Variants in SMCO4 observed in about 807,000 individuals in gnomAD.
SMCO4 encodes single-pass membrane and coiled-coil domain-containing protein 4.
SMCO4 carries 4 observed loss-of-function variants against 3.6 expected under a neutral mutation model. That is an observed-to-expected ratio of 1.11 (90% CI 0.54 to 2.53). The LOEUF (loss-of-function observed/expected upper bound fraction) is 2.53. Ranked by LOEUF, SMCO4 falls within the 30% of genes most tolerant of loss-of-function variation. The pLI is 0.02. For synonymous variants in SMCO4, 36 were observed against 35.3 expected, an observed-to-expected ratio of 1.02 and a Z score of -0.07; for missense variants, 70 against 80.8, an observed-to-expected ratio of 0.87 and a Z score of 0.51.
At chr11:93,539,586 G>A (rs1949255271) in intron 1 of SMCO4, among the ~76,000 whole-genome samples, 1 of 152,130 alleles carries the variant, frequency 6.6e-6, no homozygotes, top group Admixed American at 6.5e-5. Flanking sequence ...TTCACAGACT[G>A]AATGTTAATA....
intron 1 of SMCO4, among the ~76,000 whole-genome samples, chr11:93,529,129 T>C (rs1949139931): frequency 6.6e-6 from 1 of 152,170 alleles, no homozygotes; most frequent in African/African-American, 2.4e-5. Context: ...GAGTCAAAAC[T>C]TCCTGTAGCA....
intron 1 of SMCO4, among the ~76,000 whole-genome samples, chr11:93,541,309 T>C (rs1949269267): frequency 6.6e-6 from 1 of 152,192 alleles, no homozygotes; most frequent in Non-Finnish European, 1.5e-5. Flanking sequence ...CAATTTTTAA[T>C]GTGCTGCCTC....
intron 1 of SMCO4, among the ~76,000 whole-genome samples, chr11:93,509,665 C>T (rs541038045): frequency 5.9e-5 from 9 of 152,336 alleles, no homozygotes; most frequent in Admixed American, 2.0e-4. Flanking sequence ...ATGGCATTTA[C>T]AGCAACCTGG....
Position 93,478,731 on chromosome 11 carries a change from AC to A in SMCO4, c.*278del. 1.8e-6 allele frequency: 1 copy of A among 569,474 alleles called. No homozygotes were observed. Among genetic ancestry groups the A allele is most frequent in the Non-Finnish European group, 2.5e-6 (1 of 405,268 alleles). 35.3% of individuals were successfully genotyped at this position (569,474 alleles called of 1,614,324 possible). ...AAAAGAAGCACACACACACACACAC[AC>A]ACACACACACACACACACACATGCG... On this transcript the variant is annotated 3_prime_UTR_variant, in exon 3 of 3. Transcript: ENST00000298966.
chr11:93,522,260 A>G (rs147227880), intron 1 of SMCO4, among the ~76,000 whole-genome samples: 1 of 152,236 alleles, frequency 6.6e-6, no homozygotes, highest in East Asian at 1.9e-4. Flanking sequence ...GCAGGCCCAC[A>G]TTCAAATGCT....
chr11:93,525,585 T>G (rs1020812792), intron 1 of SMCO4, among the ~76,000 whole-genome samples: 1 of 152,156 alleles, frequency 6.6e-6, no homozygotes, highest in Admixed American at 6.6e-5. Context: ...CCTGCAGGAA[T>G]AGAGAACTGC....
intron 1 of SMCO4, among the ~76,000 whole-genome samples, chr11:93,534,371 T>TAGAGAG (rs763362078): frequency 0.046 from 5,802 of 125,974 alleles, 211 homozygotes; most frequent in Non-Finnish European, 0.055. Context: ...TATATATATA[T>TAGAGAG]ATATAGAGAG....
chr11:93,522,142 TAA>T, intron 1 of SMCO4, among the ~76,000 whole-genome samples: 1 of 152,326 alleles, frequency 6.6e-6, no homozygotes, highest in South Asian at 2.1e-4. Context: ...CAGACTAGTT[TAA>T]GTTTCTTGGG....
At chr11:93,486,926 T>C (rs1226616716) in intron 2 of SMCO4, among the ~76,000 whole-genome samples, 1 of 152,230 alleles carries the variant, frequency 6.6e-6, no homozygotes, top group African/African-American at 2.4e-5. Context: ...AGTGGCTGCA[T>C]GTTTCTCCCA....
intron 2 of SMCO4, among the ~76,000 whole-genome samples, chr11:93,486,872 C>T (rs994739019): frequency 2.0e-5 from 3 of 152,206 alleles, no homozygotes; most frequent in Non-Finnish European, 4.4e-5. Flanking sequence ...AGTTTCAAAG[C>T]TCTCCTGTCT....
At chr11:93,504,182 A>G (rs1218588959) in intron 1 of SMCO4, among the ~76,000 whole-genome samples, 2 of 152,234 alleles carry the variant, frequency 1.3e-5, no homozygotes, top group Non-Finnish European at 2.9e-5. Context: ...ACTTAATCAA[A>G]GAAGATTAGA....
chr11:93,545,608 A>T (rs193069925), upstream of SMCO4, among the ~76,000 whole-genome samples: 1 of 144,692 alleles, frequency 6.9e-6, no homozygotes, highest in African/African-American at 2.5e-5. Context: ...AAAAAAAAAA[A>T]AGAGAGAGAG....
At chr11:93,516,786 T>C (rs1053320389) in intron 1 of SMCO4, among the ~76,000 whole-genome samples, 2 of 149,680 alleles carry the variant, frequency 1.3e-5, no homozygotes, top group Non-Finnish European at 3.0e-5. Flanking sequence ...CAAGACTCTG[T>C]CAAAAAAAAG....
intron 2 of SMCO4, among the ~76,000 whole-genome samples, chr11:93,483,736 C>T (rs1948617609): frequency 6.6e-6 from 1 of 152,274 alleles, no homozygotes; most frequent in South Asian, 2.1e-4. Context: ...AATGACTGCT[C>T]CAGTTTCACA....
chr11:93,482,326 G>A (rs1948601443), intron 2 of SMCO4, among the ~76,000 whole-genome samples: 3 of 152,242 alleles, frequency 2.0e-5, no homozygotes, highest in Non-Finnish European at 4.4e-5. Context: ...GGGCACTGGG[G>A]AAGGGCGGAC....
At chr11:93,515,594 C>T (rs1949001242) in intron 1 of SMCO4, among the ~76,000 whole-genome samples, 1 of 152,142 alleles carries the variant, frequency 6.6e-6, no homozygotes. Context: ...GAGGGAATTT[C>T]CAGGCGAATA....
At chr11:93,528,082 T>C (rs1198221786) in intron 1 of SMCO4, among the ~76,000 whole-genome samples, 1 of 151,134 alleles carries the variant, frequency 6.6e-6, no homozygotes, top group Non-Finnish European at 1.5e-5. Flanking sequence ...TTTTAATAGT[T>C]ATAAAGACAG....
chr11:93,552,202 G>C, the SMCO4 span, among the ~76,000 whole-genome samples: 3 of 144,208 alleles, frequency 2.1e-5, no homozygotes, highest in African/African-American at 7.7e-5. Flanking sequence ...TGTCGCTCAG[G>C]CTGAAGTGCA....
chr11:93,537,122 C>T (rs1483965121), intron 1 of SMCO4, among the ~76,000 whole-genome samples: 3 of 152,250 alleles, frequency 2.0e-5, no homozygotes, highest in African/African-American at 4.8e-5. Flanking sequence ...AAGCCAAAAC[C>T]GGAATCAAGA....
Sources: gnomAD v4.1 joint callset for allele counts (sites outside exome capture counted in the v4.1 genomes callset) on GRCh38, gnomAD v4.1.1 for gene constraint, MANE v1.5 for transcripts, NCBI Gene and HGNC (gene_info 2026-07-23, HGNC 2026-07-21) for gene names.